The following DLG1 variants were observed in gnomAD, a reference collection of about 807,000 sequenced individuals.
DLG1 encodes discs large MAGUK scaffold protein 1, also known as disks large homolog 1.
In DLG1, 42 loss-of-function variants were observed where a neutral mutation model predicts 123.4. The observed-to-expected ratio is 0.34, with a 90% CI of 0.27 to 0.44. The LOEUF (loss-of-function observed/expected upper bound fraction) is 0.44. Among genes scored for constraint, DLG1 ranks in the 20% least tolerant of loss-of-function variants. DLG1 has a pLI of 1.00. For synonymous variants in DLG1, 317 were observed against 356.2 expected, an observed-to-expected ratio of 0.89 and a Z score of 1.24; for missense variants, 942 against 1,082.6, an observed-to-expected ratio of 0.87 and a Z score of 1.82.
intron 22 of DLG1, among the ~76,000 whole-genome samples, chr3:197,060,697 C>T (rs1735167798): frequency 6.6e-6 from 1 of 152,226 alleles, no homozygotes; most frequent in Non-Finnish European, 1.5e-5. Context: ...CTTAAACTCA[C>T]TGACAAAGGA....
intron 4 of DLG1, among the ~76,000 whole-genome samples, chr3:197,229,587 T>G (rs1204996288): frequency 6.6e-6 from 1 of 152,200 alleles, no homozygotes; most frequent in Non-Finnish European, 1.5e-5. Context: ...TCGTTGGATA[T>G]TAATCAGTTT....
chr3:197,133,622 T>C (rs1783722991), intron 10 of DLG1, among the ~76,000 whole-genome samples: 1 of 152,176 alleles, frequency 6.6e-6, no homozygotes, highest in Non-Finnish European at 1.5e-5. Context: ...TATTTGACCA[T>C]CTACCAGAGT....
intron 17 of DLG1, among the ~76,000 whole-genome samples, chr3:197,080,229 C>T (rs957876021): frequency 6.9e-6 from 1 of 143,948 alleles, no homozygotes; most frequent in South Asian, 2.2e-4. Flanking sequence ...AAAATAAATA[C>T]ACTTCTAAAA....
chr3:197,232,712 C>A (rs1743868622), intron 4 of DLG1, among the ~76,000 whole-genome samples: 1 of 150,124 alleles, frequency 6.7e-6, no homozygotes. Context: ...ACATGATATG[C>A]AACGCACAGT....
intron 4 of DLG1, 164 bp downstream of exon 4, chr3:197,282,515 T>C: frequency 2.2e-6 from 1 of 453,508 alleles, no homozygotes; most frequent in Non-Finnish European, 3.6e-6. Context: ...TGAGCTTTGC[T>C]TTTCAAAAAT....
intron 11 of DLG1, among the ~76,000 whole-genome samples, chr3:197,122,413 T>C (rs561154242): frequency 3.3e-5 from 5 of 152,194 alleles, no homozygotes; most frequent in African/African-American, 1.2e-4. Context: ...ATATTTATTA[T>C]CACCATTTCT....
chr3:197,262,270 G>A (rs941168408), intron 4 of DLG1, among the ~76,000 whole-genome samples: 2 of 152,124 alleles, frequency 1.3e-5, no homozygotes, highest in African/African-American at 4.8e-5. Context: ...TGGAGATCAA[G>A]CTCTATAAAA....
intron 9 of DLG1, among the ~76,000 whole-genome samples, chr3:197,137,557 A>G (rs893532895): frequency 6.6e-6 from 1 of 152,214 alleles, no homozygotes; most frequent in Non-Finnish European, 1.5e-5. Flanking sequence ...TTTGTTCCCT[A>G]CTTTTAAAAA....
chr3:197,281,022 CTTTTTT>C (rs34918314), intron 4 of DLG1, among the ~76,000 whole-genome samples: 1 of 133,580 alleles, frequency 7.5e-6, no homozygotes. Context: ...TGTGGAGGCT[CTTTTTT>C]TTTTTTTTTT....
intron 4 of DLG1, among the ~76,000 whole-genome samples, chr3:197,266,594 C>T (rs942314024): frequency 7.2e-5 from 11 of 151,840 alleles, no homozygotes; most frequent in African/African-American, 2.2e-4. Flanking sequence ...GCCTGGGCGA[C>T]GCAGCAAGAC....
chr3:197,274,693 A>T (rs1295217631), intron 4 of DLG1, among the ~76,000 whole-genome samples: 1 of 152,244 alleles, frequency 6.6e-6, no homozygotes, highest in Non-Finnish European at 1.5e-5. Flanking sequence ...GAAACAACTT[A>T]CAGAATGGGA....
In DLG1 at chr3:197,294,420, G is replaced by A. The variant is rs545636209; in HGVS notation, c.151+1926C>T. ...CCAACATTTTGGGAGGCCGAGGTGG[G>A]TGGATCACGAGGTCAGGAGATCGAG... On this transcript the variant is annotated intron_variant, in intron 3 of 24. Coordinates refer to ENST00000667157, the MANE Select transcript of DLG1 (RefSeq NM_001366207.1). 7.9e-5 allele frequency among the ~76,000 whole-genome samples: 12 copies of A among 152,270 alleles called. No homozygotes were observed. The South Asian group carries it at 8.3e-4, about 11-fold the overall frequency.
chr3:197,275,182 T>A (rs1457784284), intron 4 of DLG1, among the ~76,000 whole-genome samples: 2 of 99,546 alleles, frequency 2.0e-5, no homozygotes, highest in African/African-American at 3.2e-5. Context: ...CAAGACTCTG[T>A]CTCAAAAAAA....
Position 197,293,602 on chromosome 3 carries a change from CA to C in DLG1, c.151+2743del, listed in dbSNP as rs761543756. Among the ~76,000 whole-genome samples, 48 of 142,056 alleles carry C rather than the reference CA, an allele frequency of 3.4e-4. 1 individual carries two copies. Among genetic ancestry groups the C allele is most frequent in the Non-Finnish European group, 5.4e-4 (35 of 64,896 alleles). The allele number at this position is 142,056 out of a possible 152,430, so 93.2% of individuals were successfully genotyped here. A position where few individuals can be genotyped will look rare whatever the true frequency, so the allele number is the denominator to read the frequency against. The stretch of plus-strand genomic sequence containing the variant: ...AGGAACCTAATCTATGTATCAACTA[CA>C]GGGGGGGACACCAAACCCCTAGAGA... On this transcript the variant is annotated intron_variant, in intron 3 of 24. Coordinates refer to ENST00000667157, the MANE Select transcript of DLG1 (RefSeq NM_001366207.1).
chr3:197,127,486 ATATATATAT>A (rs1560878922), intron 11 of DLG1, among the ~76,000 whole-genome samples: 5,347 of 87,576 alleles, frequency 0.061, 315 homozygotes, highest in South Asian at 0.084. Context: ...ATATATATAT[ATATATATAT>A]AAAGTAAGAA....
At chr3:197,082,207 TAAA>T (rs1163825405) in intron 16 of DLG1, among the ~76,000 whole-genome samples, 1 of 151,992 alleles carries the variant, frequency 6.6e-6, no homozygotes. Context: ...CTGTCTCTAC[TAAA>T]AATATAAAAA....
intron 4 of DLG1, among the ~76,000 whole-genome samples, chr3:197,263,897 C>T (rs1380039922): frequency 2.6e-5 from 4 of 152,180 alleles, no homozygotes; most frequent in Non-Finnish European, 4.4e-5. Flanking sequence ...AATGAGTGGC[C>T]TTTCTAATAT....
intron 11 of DLG1, among the ~76,000 whole-genome samples, chr3:197,130,182 C>T (rs891766785): frequency 2.0e-5 from 3 of 152,028 alleles, no homozygotes; most frequent in African/African-American, 7.2e-5. Context: ...ATAGAATGAA[C>T]GGCTTGTTCA....
intron 6 of DLG1, among the ~76,000 whole-genome samples, chr3:197,148,742 G>A (rs562340082): frequency 6.6e-6 from 1 of 152,180 alleles, no homozygotes; most frequent in Non-Finnish European, 1.5e-5. Flanking sequence ...TTAACTCTAA[G>A]TCTTTGTGAT....
Sources: gnomAD v4.1 joint callset for allele counts (sites outside exome capture counted in the v4.1 genomes callset) on GRCh38, gnomAD v4.1.1 for gene constraint, MANE v1.5 for transcripts, NCBI Gene and HGNC (gene_info 2026-07-23, HGNC 2026-07-21) for gene names.